Variants in IKZF2 observed in about 807,000 individuals in gnomAD.
IKZF2 encodes the protein zinc finger protein Helios.
In IKZF2, 15 loss-of-function variants were observed where a neutral mutation model predicts 49.2. That is an observed-to-expected ratio of 0.30 (90% CI 0.20 to 0.47). The LOEUF is 0.47. Ranked by LOEUF, IKZF2 falls within the 20% of genes least tolerant of loss-of-function variation. IKZF2 has a pLI of 1.00. For synonymous variants in IKZF2, 227 were observed against 221.4 expected (o/e 1.03, Z -0.23); for missense variants, 567 against 664.6 (o/e 0.85, Z 1.61).
intron 8 of IKZF2, among the ~76,000 whole-genome samples, chr2:213,010,228 T>G (rs1370273067): frequency 1.3e-5 from 2 of 152,032 alleles, no homozygotes; most frequent in African/African-American, 4.8e-5. Context: ...GGGCTTGAGA[T>G]GTAGAAATGA....
At chr2:213,061,443 A>C (rs1210396003) in intron 4 of IKZF2, among the ~76,000 whole-genome samples, 18 of 151,506 alleles carry the variant, frequency 1.2e-4, no homozygotes, top group Admixed American at 4.6e-4. Context: ...AATTTAATCC[A>C]ATCAATGTCA....
At chr2:213,091,725 T>C (rs1705353585) in intron 4 of IKZF2, among the ~76,000 whole-genome samples, 1 of 152,166 alleles carries the variant, frequency 6.6e-6, no homozygotes, top group African/African-American at 2.4e-5. Context: ...AGAAAAGATG[T>C]GAAAATTTAA....
intron 4 of IKZF2, among the ~76,000 whole-genome samples, chr2:213,111,413 G>T (rs2125772124): frequency 6.6e-6 from 1 of 152,080 alleles, no homozygotes; most frequent in East Asian, 1.9e-4. Flanking sequence ...ATATTGGCAT[G>T]TTAATTTAAA....
chr2:213,035,164 A>C (rs942767616), intron 6 of IKZF2, among the ~76,000 whole-genome samples: 3 of 152,202 alleles, frequency 2.0e-5, no homozygotes, highest in African/African-American at 7.2e-5. Flanking sequence ...TACCTAACTC[A>C]CAGCATTTCT....
intron 6 of IKZF2, among the ~76,000 whole-genome samples, chr2:213,047,317 A>G (rs1324470803): frequency 3.3e-5 from 5 of 152,096 alleles, no homozygotes; most frequent in Non-Finnish European, 7.4e-5. Flanking sequence ...GGCTACATGG[A>G]GTGGTGAAAT....
intron 6 of IKZF2, among the ~76,000 whole-genome samples, chr2:213,039,391 G>A (rs1699390390): frequency 6.6e-6 from 1 of 151,986 alleles, no homozygotes; most frequent in Non-Finnish European, 1.5e-5. Flanking sequence ...TTAGTTGGGA[G>A]GAAGTTGTTG....
At chr2:213,102,394 A>G (rs1045634607) in intron 4 of IKZF2, among the ~76,000 whole-genome samples, 5 of 152,180 alleles carry the variant, frequency 3.3e-5, no homozygotes, top group African/African-American at 9.6e-5. Flanking sequence ...AAACTGAATT[A>G]AAATGTATAG....
At chr2:213,027,200 G>A (rs1164269004) in intron 6 of IKZF2, among the ~76,000 whole-genome samples, 1 of 151,988 alleles carries the variant, frequency 6.6e-6, no homozygotes, top group East Asian at 1.9e-4. Context: ...TAAGGATTCA[G>A]CTCTCTTACA....
intron 4 of IKZF2, among the ~76,000 whole-genome samples, chr2:213,069,021 T>C (rs1026716042): frequency 1.3e-5 from 2 of 151,800 alleles, no homozygotes; most frequent in African/African-American, 4.8e-5. Flanking sequence ...TTGACTCAAA[T>C]AATGTTATGA....
At chr2:213,028,082 AAG>A (rs1336602278) in intron 6 of IKZF2, among the ~76,000 whole-genome samples, 1 of 152,188 alleles carries the variant, frequency 6.6e-6, no homozygotes, top group African/African-American at 2.4e-5. Flanking sequence ...TATATGGCAT[AAG>A]AGTCTTAGAC....
Position 213,124,290 on chromosome 2 carries a change from ACACACACAGC to A in IKZF2, c.139+23408_139+23417del, listed in dbSNP as rs2060181517. Among the ~76,000 whole-genome samples, 4 of 145,364 alleles carry A rather than the reference ACACACACAGC, an allele frequency of 2.8e-5. No homozygotes were observed. In the South Asian group the frequency reaches 9.2e-4, roughly 34 times the overall value. The stretch of plus-strand genomic sequence containing the variant: ...CACACACACACACACACACACACAC[ACACACACAGC>A]CACACAAAAGAACTTGGAAGCCTGA... On this transcript the variant is annotated intron_variant, in intron 4 of 8. Coordinates refer to ENST00000434687, the MANE Select transcript of IKZF2 (RefSeq NM_001387220.1).
intron 1 of IKZF2, among the ~76,000 whole-genome samples, chr2:213,150,897 G>T: frequency 6.7e-6 from 1 of 149,014 alleles, no homozygotes. Context: ...TCATACCAGG[G>T]TTTTTGGTTT....
chr2:213,125,602 C>A (rs1176694728), intron 4 of IKZF2, among the ~76,000 whole-genome samples: 1 of 152,114 alleles, frequency 6.6e-6, no homozygotes, highest in Non-Finnish European at 1.5e-5. Flanking sequence ...CTAAAATATT[C>A]ATTGCACAGA....
rs1288514835 is a variant in IKZF2, at chr2:213,007,483, G to A, written c.1458C>T (p.Tyr486=). ...AGCCATGGCAACCCATGTGAATGGT[G>A]TACATGACATGGTCTAGGAAAAGGA... is the stretch of plus-strand genomic sequence containing the variant. ...CRVLFLDHVM[Y]TIHMGCHGYR... is the part of the protein sequence containing the mutation. The change falls in exon 9 of 9, where the codon TAC becomes TAT. Residue 486 remains tyrosine, a synonymous_variant. Transcript: ENST00000434687. 2 of 1,613,558 alleles carry A rather than the reference G, an allele frequency of 1.2e-6. No individual in the cohort carries two copies.
At chr2:213,127,722 GTTTACAT>G (rs984714613) in intron 4 of IKZF2, among the ~76,000 whole-genome samples, 1 of 152,108 alleles carries the variant, frequency 6.6e-6, no homozygotes, top group African/African-American at 2.4e-5. Context: ...TAACACACTT[GTTTACAT>G]TTTCTCTTTA....
chr2:213,104,665 C>G (rs889302859), intron 4 of IKZF2, among the ~76,000 whole-genome samples: 6 of 152,162 alleles, frequency 3.9e-5, no homozygotes, highest in Admixed American at 6.6e-5. Context: ...AGCAGGGACT[C>G]TGCTTGCTGC....
chr2:213,054,565 G>T (rs9288462), intron 5 of IKZF2, among the ~76,000 whole-genome samples: 80,391 of 152,012 alleles, frequency 0.53, 21,927 homozygotes, highest in East Asian at 0.76. Flanking sequence ...GAAATATGTT[G>T]AAGTGTCTAG....
At chr2:213,151,967 C>T (rs868282877), upstream of IKZF2, among the ~76,000 whole-genome samples, 1 of 151,718 alleles carries the variant, frequency 6.6e-6, no homozygotes, top group Non-Finnish European at 1.5e-5. Flanking sequence ...CTCCGCGACG[C>T]GCGCACTCCC....
intron 8 of IKZF2, among the ~76,000 whole-genome samples, chr2:213,012,923 T>C (rs1574477051): frequency 6.6e-6 from 1 of 152,066 alleles, no homozygotes; most frequent in Non-Finnish European, 1.5e-5. Context: ...TTAACAATTC[T>C]TTTTATTGAA....
Sources: gnomAD v4.1 joint callset for allele counts (sites outside exome capture counted in the v4.1 genomes callset) on GRCh38, gnomAD v4.1.1 for gene constraint, MANE v1.5 for transcripts, NCBI Gene and HGNC (gene_info 2026-07-23, HGNC 2026-07-21) for gene names.